ARMH3: variants seen among roughly 807,000 people sequenced by gnomAD.
The protein encoded by ARMH3 is armadillo like helical domain containing 3, also known as armadillo-like helical domain-containing protein 3.
In ARMH3, 60 loss-of-function variants were observed where a neutral mutation model predicts 99.1. The observed-to-expected ratio is 0.61, with a 90% CI of 0.49 to 0.75. ARMH3 has a LOEUF of 0.75. Among genes scored for constraint, ARMH3 ranks in the 30% least tolerant of loss-of-function variants. ARMH3 has a pLI of 0.00. For missense variants in ARMH3, 679 were observed against 843.1 expected (o/e 0.81, Z 2.41); for synonymous variants, 285 against 292.8 (o/e 0.97, Z 0.27).
chr10:102,029,632 C>A lies in ARMH3; in HGVS notation c.414+6G>T. Reference sequence around the variant, plus strand: ...TCCACAGGCACATCTGCAGCTTATGCCTCACCTTCATGCACAGCTCCGCCT... The same window carrying A: ...TCCACAGGCACATCTGCAGCTTATGACTCACCTTCATGCACAGCTCCGCCT... On this transcript the variant is annotated splice_donor_region_variant and intron_variant, in intron 5 of 25. Transcript: ENST00000370033. 1 of 1,614,192 alleles carries A rather than the reference C, an allele frequency of 6.2e-7. No homozygotes were observed. Among genetic ancestry groups the A allele is most frequent in the East Asian group, 2.2e-5 (1 of 44,892 alleles).
chr10:101,852,955 C>T (rs942099552), intron 24 of ARMH3, among the ~76,000 whole-genome samples: 2 of 151,540 alleles, frequency 1.3e-5, no homozygotes, highest in African/African-American at 4.8e-5. Flanking sequence ...GCTATCTCAG[C>T]TCACTGCAGC....
At chr10:101,937,393 C>T (rs1844028093) in intron 23 of ARMH3, among the ~76,000 whole-genome samples, 1 of 152,082 alleles carries the variant, frequency 6.6e-6, no homozygotes, top group South Asian at 2.1e-4. Context: ...GTGGCACGTG[C>T]CTATAGTCCC....
At chr10:101,914,711 C>T (rs1475764327) in intron 23 of ARMH3, among the ~76,000 whole-genome samples, 1 of 150,060 alleles carries the variant, frequency 6.7e-6, no homozygotes. Context: ...ACTAAAAATA[C>T]AAAAATGAGC....
At chr10:102,038,590 C>T (rs949961717) in intron 2 of ARMH3, among the ~76,000 whole-genome samples, 1 of 152,172 alleles carries the variant, frequency 6.6e-6, no homozygotes, top group South Asian at 2.1e-4. Flanking sequence ...AGCTCCATCA[C>T]CTTCCAGCAG....
rs1165690202 is a variant in ARMH3 at position 101,944,259 on chromosome 10, TATATATATATATATAGAGAGAGAGAGAG to T, written c.1706-4349_1706-4322del. On this transcript the variant is annotated intron_variant, in intron 22 of 25. Coordinates refer to ENST00000370033, the MANE Select transcript of ARMH3 (RefSeq NM_024541.3). ...GCTTGAGCCTATATATATATATATA[TATATATATATATATAGAGAGAGAGAGAG>T]AGAGAGAGAGAGAGAGAGAGAGAGA... is the stretch of plus-strand genomic sequence containing the variant. Among the ~76,000 whole-genome samples, 336 of 65,842 alleles carry T rather than the reference TATATATATATATATAGAGAGAGAGAGAG, an allele frequency of 5.1e-3. 2 individuals carry two copies. The highest frequency in any genetic ancestry group is 0.023 in the South Asian group (36 of 1,544). The allele number at this position is 65,842 out of a possible 152,430, so 43.2% of individuals were successfully genotyped here.
chr10:101,929,762 T>C (rs1307097436), intron 23 of ARMH3, among the ~76,000 whole-genome samples: 2 of 151,966 alleles, frequency 1.3e-5, no homozygotes, highest in African/African-American at 4.8e-5. Flanking sequence ...AAGAAAGCAG[T>C]AAAGAAGGAT....
intron 23 of ARMH3, among the ~76,000 whole-genome samples, chr10:101,917,100 T>G (rs959464322): frequency 2.6e-5 from 4 of 152,258 alleles, no homozygotes; most frequent in Non-Finnish European, 5.9e-5. Flanking sequence ...TGTATAACTA[T>G]GTATATTTTA....
chr10:101,998,266 A>G (rs1422654789), intron 15 of ARMH3, among the ~76,000 whole-genome samples: 1 of 152,206 alleles, frequency 6.6e-6, no homozygotes, highest in African/African-American at 2.4e-5. Flanking sequence ...CAATACTTCT[A>G]GAGAAAGGAA....
At chr10:101,914,575 C>T (rs1842998235) in intron 23 of ARMH3, among the ~76,000 whole-genome samples, 1 of 150,876 alleles carries the variant, frequency 6.6e-6, no homozygotes, top group Non-Finnish European at 1.5e-5. Flanking sequence ...CAGTCAAAAA[C>T]TTAAAATGGG....
intron 23 of ARMH3, among the ~76,000 whole-genome samples, chr10:101,936,260 G>A (rs868376092): frequency 8.6e-5 from 13 of 152,004 alleles, no homozygotes; most frequent in Admixed American, 2.0e-4. Context: ...TTGGGAGGCC[G>A]AGGTGGGTGG....
chr10:101,890,651 T>C (rs2067667274), intron 23 of ARMH3, among the ~76,000 whole-genome samples: 1 of 152,230 alleles, frequency 6.6e-6, no homozygotes, highest in African/African-American at 2.4e-5. Flanking sequence ...TAGTGATTTA[T>C]TGCCAAAGAC....
intron 1 of ARMH3, among the ~76,000 whole-genome samples, chr10:102,054,808 C>T (rs1300485636): frequency 6.6e-6 from 1 of 151,926 alleles, no homozygotes; most frequent in African/African-American, 2.4e-5. Flanking sequence ...CCAGCCTGGC[C>T]AACATGGCGA....
At chr10:101,914,172 G>A (rs1842981176) in intron 23 of ARMH3, among the ~76,000 whole-genome samples, 1 of 152,038 alleles carries the variant, frequency 6.6e-6, no homozygotes, top group Non-Finnish European at 1.5e-5. Context: ...TGGGCTGAAG[G>A]GGCATAAAAA....
At chr10:101,930,523 T>C (rs1843680921) in intron 23 of ARMH3, among the ~76,000 whole-genome samples, 1 of 152,154 alleles carries the variant, frequency 6.6e-6, no homozygotes, top group Non-Finnish European at 1.5e-5. Flanking sequence ...TGTATTCATT[T>C]TGGAGACATT....
At chr10:101,962,161 T>G (rs1228414993) in intron 20 of ARMH3, among the ~76,000 whole-genome samples, 1 of 152,222 alleles carries the variant, frequency 6.6e-6, no homozygotes, top group Non-Finnish European at 1.5e-5. Context: ...CAAAAGAGAA[T>G]GGCATAGCTT....
At chr10:102,047,015 G>A (rs1419216067) in intron 1 of ARMH3, among the ~76,000 whole-genome samples, 1 of 152,162 alleles carries the variant, frequency 6.6e-6, no homozygotes, top group East Asian at 1.9e-4. Context: ...GTAAATGTAG[G>A]TAATAGTAAA....
At chr10:102,041,261 C>T (rs2067418999) in intron 1 of ARMH3, among the ~76,000 whole-genome samples, 1 of 151,442 alleles carries the variant, frequency 6.6e-6, no homozygotes, top group South Asian at 2.1e-4. Flanking sequence ...TCCCACAGGT[C>T]TTTACTGCGA....
At chr10:102,001,805 A>G (rs2066367597) in intron 15 of ARMH3, among the ~76,000 whole-genome samples, 166 bp downstream of exon 15, 1 of 152,180 alleles carries the variant, frequency 6.6e-6, no homozygotes, top group Non-Finnish European at 1.5e-5. Flanking sequence ...CCTAATTGCC[A>G]TCTAGCAATT....
At chr10:101,962,613 A>G (rs1007690095) in intron 20 of ARMH3, among the ~76,000 whole-genome samples, 1 of 152,230 alleles carries the variant, frequency 6.6e-6, no homozygotes, top group Admixed American at 6.5e-5. Context: ...CCTCTTAACT[A>G]TCTGATGAAG....
Sources: gnomAD v4.1 joint callset for allele counts (sites outside exome capture counted in the v4.1 genomes callset) on GRCh38, gnomAD v4.1.1 for gene constraint, MANE v1.5 for transcripts, NCBI Gene and HGNC (gene_info 2026-07-23, HGNC 2026-07-21) for gene names.